ASCC1: variants seen among roughly 807,000 people sequenced by gnomAD.
The protein encoded by ASCC1 is activating signal cointegrator 1 complex subunit 1.
ASCC1 carries 35 observed loss-of-function variants against 46.6 expected under a neutral mutation model. The ratio of observed to expected loss-of-function variants is 0.75; its 90% CI spans 0.57 to 0.99. ASCC1 has a LOEUF of 0.99. Ranked by LOEUF, ASCC1 falls within the 50% of genes least tolerant of loss-of-function variation. The probability of loss-of-function intolerance (pLI) is 0.00; values close to 1 mark genes in which losing one functional copy is unlikely to be tolerated. For synonymous variants in ASCC1, 143 were observed against 146.6 expected (o/e 0.98, Z 0.18); for missense variants, 376 against 428.7 (o/e 0.88, Z 1.09).
chr10:72,170,593 C>CAAAAAAAA (rs1038487604), intron 5 of ASCC1, among the ~76,000 whole-genome samples: 5 of 58,776 alleles, frequency 8.5e-5, no homozygotes, highest in East Asian at 4.6e-4. Flanking sequence ...GACTGTATCT[C>CAAAAAAAA]AAAAAAAAAA....
upstream of ASCC1, chr10:72,217,106 G>T (rs1362699166): frequency 4.4e-6 from 2 of 453,418 alleles, no homozygotes; most frequent in Admixed American, 4.7e-5. Flanking sequence ...ACTGCCCCAG[G>T]TTCTGTGCTC....
intron 7 of ASCC1, among the ~76,000 whole-genome samples, chr10:72,143,808 C>T (rs959177398): frequency 6.6e-6 from 1 of 151,206 alleles, no homozygotes; most frequent in African/African-American, 2.4e-5. Flanking sequence ...TTGCAATCTC[C>T]TCCTATGATG....
chr10:72,121,080 G>A (rs1844141084), intron 9 of ASCC1, among the ~76,000 whole-genome samples: 1 of 152,108 alleles, frequency 6.6e-6, no homozygotes. Flanking sequence ...GACAGAGAGT[G>A]TTAAATTAAA....
chr10:72,197,093 T>C (rs1418046860), intron 4 of ASCC1, 104 bp from the exon 5 acceptor site: 20 of 1,016,890 alleles, frequency 2.0e-5, no homozygotes, highest in Non-Finnish European at 2.9e-5. Flanking sequence ...CAGTTCTGAA[T>C]GCGTATATGA....
At chr10:72,196,732 C>G in intron 5 of ASCC1, 79 bp downstream of exon 5, 1 of 1,399,920 alleles carries the variant, frequency 7.1e-7, no homozygotes, top group Non-Finnish European at 9.9e-7. Context: ...TAACTCCCTA[C>G]TGTTTGATTT....
At chr10:72,183,196 A>G (rs2133059196) in intron 5 of ASCC1, among the ~76,000 whole-genome samples, 1 of 152,094 alleles carries the variant, frequency 6.6e-6, no homozygotes, top group South Asian at 2.1e-4. Context: ...GGCACCCGCC[A>G]CCATACAGGG....
rs552147523 is a variant in ASCC1, at chr10:72,166,681, C to G, written c.490-5007G>C. ...CAGAGAAAAATATTTGGGAGAAAAACATTTGCAAATCCTACATCTGATAAA... is the reference window on the plus strand; with the variant it reads ...CAGAGAAAAATATTTGGGAGAAAAAGATTTGCAAATCCTACATCTGATAAA... On this transcript the variant is annotated intron_variant, in intron 5 of 9. Transcript: ENST00000672957. Among the ~76,000 whole-genome samples, 180 of 151,426 alleles carry G rather than the reference C, an allele frequency of 1.2e-3. 1 individual carries two copies. The highest frequency in any genetic ancestry group is 3.8e-3 in the African/African-American group (158 of 41,284).
intron 9 of ASCC1, among the ~76,000 whole-genome samples, chr10:72,110,257 G>A (rs567995126): frequency 1.6e-4 from 24 of 152,302 alleles, no homozygotes; most frequent in Non-Finnish European, 3.1e-4. Flanking sequence ...TTTGGTCTCC[G>A]TATTACACAG....
intron 5 of ASCC1, among the ~76,000 whole-genome samples, chr10:72,169,564 C>A (rs1850796463): frequency 6.6e-6 from 1 of 151,940 alleles, no homozygotes; most frequent in African/African-American, 2.4e-5. Context: ...GACAAATAAA[C>A]CAGAAAACAA....
Position 72,111,921 on chromosome 10 carries a change from C to T in ASCC1, c.958-14471G>A, listed in dbSNP as rs146902072. 6.0e-3 allele frequency among the ~76,000 whole-genome samples: 912 copies of T among 152,228 alleles called. 11 individuals carry two copies. Among genetic ancestry groups the T allele is most frequent in the African/African-American group, 0.021 (861 of 41,526 alleles). The stretch of plus-strand genomic sequence containing the variant: ...CCTCCCAAAGTGCTGGGATTACAGG[C>T]GTGAGCCACCACGCCAGGCCAAGCA... On this transcript the variant is annotated intron_variant, in intron 9 of 9. Transcript: ENST00000672957.
At chr10:72,195,834 CAA>C (rs542227445) in intron 5 of ASCC1, among the ~76,000 whole-genome samples, 8 of 127,944 alleles carry the variant, frequency 6.3e-5, no homozygotes, top group Admixed American at 7.9e-5. Context: ...AACGCTGTCT[CAA>C]AAAAAAAAAA....
chr10:72,171,839 T>C (rs1192782635), intron 5 of ASCC1, among the ~76,000 whole-genome samples: 3 of 152,224 alleles, frequency 2.0e-5, no homozygotes. Context: ...TGGAGGGCCA[T>C]TGTTCTGCCT....
At chr10:72,196,561 C>T (rs1231752610) in intron 5 of ASCC1, among the ~76,000 whole-genome samples, 5 of 152,192 alleles carry the variant, frequency 3.3e-5, no homozygotes, top group African/African-American at 1.2e-4. Flanking sequence ...GGATTACAGG[C>T]ATGAGCCACT....
chr10:72,173,737 T>G (rs927313688), intron 5 of ASCC1, among the ~76,000 whole-genome samples: 2 of 147,644 alleles, frequency 1.4e-5, no homozygotes, highest in Admixed American at 1.3e-4. Context: ...AGCCACTGTT[T>G]TTCTTTGCTC....
rs182520832 is a variant in ASCC1 at position 72,157,540 on chromosome 10, C to A, written c.626+3998G>T. ...CCCATATGAACAATGTTTTTATCTT[C>A]TGCAAAATTCCTGTTAAAGACACTG... On this transcript the variant is annotated intron_variant, in intron 6 of 9. Transcript: ENST00000672957. 1.9e-4 allele frequency among the ~76,000 whole-genome samples: 29 copies of A among 152,258 alleles called. No homozygotes were observed. The East Asian group carries it at 4.6e-3, about 24-fold the overall frequency.
intron 5 of ASCC1, among the ~76,000 whole-genome samples, chr10:72,176,338 AGTTT>A (rs1192994897): frequency 6.6e-6 from 1 of 151,642 alleles, no homozygotes; most frequent in African/African-American, 2.4e-5. Context: ...AATCTTAACT[AGTTT>A]GTTTCTTTCT....
At chr10:72,165,757 T>C (rs568910337) in intron 5 of ASCC1, among the ~76,000 whole-genome samples, 1 of 152,316 alleles carries the variant, frequency 6.6e-6, no homozygotes, top group South Asian at 2.1e-4. Context: ...TTTAAATGTG[T>C]CAAGGAAGGC....
intron 4 of ASCC1, chr10:72,198,640 C>T (rs936425688): frequency 8.8e-6 from 4 of 455,778 alleles, no homozygotes; most frequent in African/African-American, 8.0e-5. Flanking sequence ...TTAAAAGCTA[C>T]CAGATCATTT....
chr10:72,164,151 G>C (rs1305100784), intron 5 of ASCC1, among the ~76,000 whole-genome samples: 1 of 151,930 alleles, frequency 6.6e-6, no homozygotes, highest in African/African-American at 2.4e-5. Context: ...TTTGTAGACA[G>C]GGTTTTTACC....
Sources: allele counts gnomAD v4.1 joint callset (sites outside exome capture counted in the v4.1 genomes callset), GRCh38; gene constraint gnomAD v4.1.1; transcripts MANE v1.5; gene names NCBI Gene and HGNC (gene_info 2026-07-23, HGNC 2026-07-21).